The following SYNJ2 variants were observed in gnomAD, a reference collection of about 807,000 sequenced individuals.
SYNJ2 encodes polyphosphatidylinositol phosphatase SYNJ2.
Under a neutral mutation model 141.3 loss-of-function variants are expected in SYNJ2, and 116 were observed. That is an observed-to-expected ratio of 0.82 (90% CI 0.71 to 0.96). The LOEUF is 0.96. Among genes scored for constraint, SYNJ2 ranks in the 40% least tolerant of loss-of-function variants. The probability of loss-of-function intolerance (pLI) is 0.00; values close to 1 mark genes in which losing one functional copy is unlikely to be tolerated. For missense variants in SYNJ2, 1,873 were observed against 1,934.8 expected, an observed-to-expected ratio of 0.97 and a Z score of 0.60; for synonymous variants, 745 against 777.7, an observed-to-expected ratio of 0.96 and a Z score of 0.70.
intron 12 of SYNJ2, among the ~76,000 whole-genome samples, chr6:158,068,198 T>A (rs975565539): frequency 6.7e-6 from 1 of 149,872 alleles, no homozygotes; most frequent in Non-Finnish European, 1.5e-5. Flanking sequence ...AGGTTGCCCA[T>A]TGTGGTCAAC....
chr6:158,054,840 C>G, intron 5 of SYNJ2, 127 bp from the exon 6 acceptor site: 1 of 885,840 alleles, frequency 1.1e-6, no homozygotes, highest in Non-Finnish European at 1.8e-6. Flanking sequence ...CCTGAAGAGA[C>G]CACAGAGGTG....
rs750167097 is a variant in SYNJ2 at position 158,071,817 on chromosome 6, C to T, written c.2133+23C>T. The stretch of plus-strand genomic sequence containing the variant: ...ATGGTGAGCGGCGCCGTGGGGACAG[C>T]CAGCACCTCCCTGCTCAGCTCAGTC... On this transcript the variant is annotated intron_variant, in intron 15 of 26. Coordinates refer to ENST00000355585, the MANE Select transcript of SYNJ2 (RefSeq NM_003898.4). The surrounding 1 kb of genome is among the most constrained non-coding windows in gnomAD (Gnocchi z 4.3). 5.1e-5 allele frequency: 82 copies of T among 1,606,896 alleles called. No individual in the cohort carries two copies. Among genetic ancestry groups the T allele is most frequent in the Non-Finnish European group, 6.8e-5 (80 of 1,177,756 alleles).
rs112128493 is a variant in SYNJ2, at chr6:158,016,956, C to T, written c.128-248C>T. 4.2e-6 allele frequency: 5 copies of T among 1,190,758 alleles called. No homozygotes were observed. The African/African-American group carries it at 6.3e-5, about 15-fold the overall frequency. The allele number at this position is 1,190,758 out of a possible 1,614,324, so 73.8% of individuals were successfully genotyped here. ...GGACGCCAGAACCCCAGGACCCCAG[C>T]TCCTCCAGCCCCCAGGAAGCTGTCA... On this transcript the variant is annotated intron_variant, in intron 1 of 26. Transcript: ENST00000355585.
intron 4 of SYNJ2, among the ~76,000 whole-genome samples, chr6:158,042,663 A>C (rs1271703532): frequency 6.6e-6 from 1 of 152,220 alleles, no homozygotes. Context: ...GAGGAGATAG[A>C]TGTCTTAAAG....
chr6:158,070,587 A>T lies in SYNJ2; in HGVS notation c.1940+914A>T. The T allele has an allele frequency of 1.2e-6, 1 of 866,754 alleles. No homozygotes were observed. Among genetic ancestry groups the T allele is most frequent in the Non-Finnish European group, 1.4e-6 (1 of 722,076 alleles). 53.7% of individuals were successfully genotyped at this position (866,754 alleles called of 1,614,324 possible). ...AAAGGGCTCAGAGCTGAGGAGAGCC[A>T]GGTTTCCCAGGCTCGGTGTCCTCGG... On this transcript the variant is annotated intron_variant, in intron 14 of 26. Transcript: ENST00000355585. This position sits in a 1 kb window ranked among gnomAD's most constrained non-coding sequence, Gnocchi z 4.0.
intron 12 of SYNJ2, chr6:158,068,009 T>C (rs1043422087): frequency 1.0e-6 from 1 of 984,554 alleles, no homozygotes; most frequent in African/African-American, 1.7e-5. Flanking sequence ...TTGCAGGGGA[T>C]TTTTTTGGGG....
Position 158,095,841 on chromosome 6 carries a change from T to C in SYNJ2, c.3968T>C (p.Leu1323Pro). ...GCAGGAGCCTCTGTGCCACCACCTC[T>C]GGAGGCGCCGCCTCTTGTGCCCAAG... ...PGAGASVPPP[L>P]EAPPLVPKVP... Residue 1323 changes from leucine (L) to proline (P), a missense_variant, in exon 27 of 27, where the codon CTG (leucine) becomes CCG (proline). Coordinates refer to ENST00000355585, the MANE Select transcript of SYNJ2 (RefSeq NM_003898.4). 1.2e-6 allele frequency: 2 copies of C among 1,614,142 alleles called. No individual in the cohort carries two copies. The highest frequency in any genetic ancestry group is 1.7e-5 in the Admixed American group (1 of 60,026).
At chr6:158,031,028 G>C (rs539150576) in intron 3 of SYNJ2, 91 of 152,338 alleles carry the variant, frequency 6.0e-4, no homozygotes, top group African/African-American at 2.1e-3. Flanking sequence ...AGTGCTGCTT[G>C]TCTGCAGACG....
At chr6:158,091,033 C>T (rs1042329551) in intron 25 of SYNJ2, among the ~76,000 whole-genome samples, 1 of 152,100 alleles carries the variant, frequency 6.6e-6, no homozygotes. Flanking sequence ...ATAACTAAAA[C>T]TAGGCCGGGC....
chr6:158,018,193 G>A (rs1427753905), intron 2 of SYNJ2, among the ~76,000 whole-genome samples: 1 of 152,212 alleles, frequency 6.6e-6, no homozygotes, highest in African/African-American at 2.4e-5. Context: ...GGGGTGAGCC[G>A]GTGGTGGCCG....
intron 24 of SYNJ2, 132 bp downstream of exon 24, chr6:158,088,904 C>T (rs1783255988): frequency 1.5e-6 from 1 of 648,198 alleles, no homozygotes; most frequent in Admixed American, 2.8e-5. Flanking sequence ...TCTCCAAACC[C>T]CATAACCCTT....
chr6:158,013,764 C>A (rs910979385), intron 1 of SYNJ2, among the ~76,000 whole-genome samples: 1 of 152,094 alleles, frequency 6.6e-6, no homozygotes, highest in African/African-American at 2.4e-5. Context: ...TTGGTGTAAA[C>A]GAGTGTGGTT....
chr6:158,064,510 C>T, intron 9 of SYNJ2, 91 bp from the exon 10 acceptor site: 3 of 1,510,942 alleles, frequency 2.0e-6, no homozygotes, highest in South Asian at 2.5e-5. Flanking sequence ...CAGCGTAATC[C>T]ACAGGCTGCC....
intron 4 of SYNJ2, among the ~76,000 whole-genome samples, chr6:158,039,844 T>C (rs972765741): frequency 6.6e-6 from 1 of 152,036 alleles, no homozygotes; most frequent in South Asian, 2.1e-4. Flanking sequence ...GTGAGCCCCT[T>C]GTGGTGCCGC....
At chr6:158,028,593 C>G (rs1236314309) in intron 2 of SYNJ2, 163 bp from the exon 3 acceptor site, 8 of 875,132 alleles carry the variant, frequency 9.1e-6, no homozygotes, top group African/African-American at 1.7e-5. Context: ...CAGGACAGGG[C>G]AGGTTCTTGA....
At position 158,076,706 on chromosome 6, in the gene SYNJ2, A is replaced by C. The variant is rs1222061874; in HGVS notation, c.2373A>C (p.Thr791=). The C allele has an allele frequency of 6.2e-7, 1 of 1,614,226 alleles. No homozygotes were observed. The highest frequency in any genetic ancestry group is 1.7e-5 in the Admixed American group (1 of 60,032). The change falls in exon 17 of 27, where the codon ACA becomes ACC. Residue 791 remains threonine (T), a synonymous_variant. Coordinates refer to ENST00000355585, the MANE Select transcript of SYNJ2 (RefSeq NM_003898.4). ...ACGTTGGCTCAGCCGCCTACGATAC[A>C]AGCGACAAATGCCGCACCCCCGCCT... is the stretch of plus-strand genomic sequence containing the variant. The part of the protein sequence containing the change: ...KYDVGSAAYD[T]SDKCRTPAWT...
intron 3 of SYNJ2, 72 bp from the exon 4 acceptor site, chr6:158,033,383 C>T: frequency 6.6e-7 from 1 of 1,526,436 alleles, no homozygotes; most frequent in South Asian, 1.2e-5. Context: ...TCCTCAGCCA[C>T]ACTCGCTGTC....
At chr6:158,063,996 A>G (rs1477643094) in intron 9 of SYNJ2, 124 bp downstream of exon 9, 5 of 986,876 alleles carry the variant, frequency 5.1e-6, no homozygotes, top group East Asian at 2.6e-5. Context: ...CCTTCTGACT[A>G]TGGGGAAGGT....
intron 6 of SYNJ2, among the ~76,000 whole-genome samples, chr6:158,055,503 ATG>A (rs61172281): frequency 0.018 from 2,658 of 147,602 alleles, 29 homozygotes; most frequent in African/African-American, 0.031. Context: ...TTGGCATTTT[ATG>A]TGTGTGTGTG....
Sources: allele counts gnomAD v4.1 joint callset (sites outside exome capture counted in the v4.1 genomes callset), GRCh38; gene constraint gnomAD v4.1.1; non-coding constraint Gnocchi (gnomAD v3.1); transcripts MANE v1.5; gene names NCBI Gene and HGNC (gene_info 2026-07-23, HGNC 2026-07-21).